The following FRMPD3 variants were observed in gnomAD, a reference collection of about 807,000 sequenced individuals.
FRMPD3 encodes FERM and PDZ domain containing 3, also known as FERM and PDZ domain-containing protein 3.
In FRMPD3, 42 loss-of-function variants were observed where a neutral mutation model predicts 97.9. That is an observed-to-expected ratio of 0.43 (90% CI 0.34 to 0.55). The LOEUF is 0.55. Ranked by LOEUF, FRMPD3 falls within the 20% of genes least tolerant of loss-of-function variation. The pLI is 0.03. For missense variants in FRMPD3, 1,303 were observed against 1,457.7 expected, an observed-to-expected ratio of 0.89 and a Z score of 1.73; for synonymous variants, 577 against 581.1, an observed-to-expected ratio of 0.99 and a Z score of 0.10.
intron 4 of FRMPD3, among the ~76,000 whole-genome samples, chrX:107,537,573 C>T: frequency 9.0e-6 from 1 of 111,666 alleles, no homozygotes; most frequent in South Asian, 3.8e-4. Context: ...ATCTTGAAGG[C>T]CTCCTAGTTG....
chrX:107,589,103 A>G (rs1923793471), intron 13 of FRMPD3, among the ~76,000 whole-genome samples: 1 of 110,964 alleles, frequency 9.0e-6, no homozygotes, highest in Non-Finnish European at 1.9e-5. Flanking sequence ...TCCTCCATCC[A>G]GTTCTGTGCC....
chrX:107,581,240 CT>C lies in FRMPD3; in HGVS notation c.1441+4782del, dbSNP rs1923369913. ...ACTCCTGCCTCAGCCTCCTGAGTAG[CT>C]GGGATTACAGGTGGCCGCCACCATG... On this transcript the variant is annotated intron_variant, in intron 13 of 14. Transcript: ENST00000683843. 1.8e-4 allele frequency among the ~76,000 whole-genome samples: 20 copies of C among 110,596 alleles called. 1 individual carries two copies. In the South Asian group the frequency reaches 7.8e-3, roughly 43 times the overall value.
At chrX:107,489,233 C>T (rs1022971450) in intron 1 of FRMPD3, among the ~76,000 whole-genome samples, 1 of 109,404 alleles carries the variant, frequency 9.1e-6, no homozygotes, top group African/African-American at 3.3e-5. Flanking sequence ...TCCAGTCTAT[C>T]GTTGTTGGAC....
At chrX:107,492,116 A>C (rs1921673759) in intron 1 of FRMPD3, among the ~76,000 whole-genome samples, 1 of 111,554 alleles carries the variant, frequency 9.0e-6, no homozygotes, top group Non-Finnish European at 1.9e-5. Context: ...CTCTGCTCCA[A>C]ATCTCTTCCT....
intron 1 of FRMPD3, among the ~76,000 whole-genome samples, chrX:107,480,567 C>T (rs1255900639): frequency 1.8e-5 from 2 of 109,872 alleles, no homozygotes; most frequent in Admixed American, 9.8e-5. Flanking sequence ...CAGTGGCTCA[C>T]TCCTATAATC....
intron 1 of FRMPD3, among the ~76,000 whole-genome samples, chrX:107,511,144 C>T (rs964146170): frequency 5.4e-5 from 6 of 112,123 alleles, no homozygotes; most frequent in African/African-American, 9.7e-5. Flanking sequence ...AGAGTCCCAA[C>T]GGAGCCAGAC....
chrX:107,475,604 C>G (rs1602753771), intron 1 of FRMPD3, among the ~76,000 whole-genome samples: 1 of 112,779 alleles, frequency 8.9e-6, no homozygotes, highest in East Asian at 2.8e-4. Flanking sequence ...TTGAAGTTCT[C>G]TCTAAAGTAT....
chrX:107,454,966 G>C (rs1931351658), intron 1 of FRMPD3, among the ~76,000 whole-genome samples: 2 of 111,631 alleles, frequency 1.8e-5, no homozygotes, highest in Non-Finnish European at 3.8e-5. Flanking sequence ...AAGTGATTTT[G>C]ATACACTTGA....
chrX:107,543,216 A>G (rs1454148950), intron 4 of FRMPD3, among the ~76,000 whole-genome samples: 1 of 111,082 alleles, frequency 9.0e-6, no homozygotes, highest in Non-Finnish European at 1.9e-5. Flanking sequence ...ACTCTGTTCA[A>G]TCAAATCCCT....
intron 13 of FRMPD3, among the ~76,000 whole-genome samples, chrX:107,587,564 G>A (rs1407524095): frequency 9.0e-6 from 1 of 111,633 alleles, no homozygotes; most frequent in Non-Finnish European, 1.9e-5. Flanking sequence ...TTATATTTTG[G>A]TGTGTTTTTA....
chrX:107,589,925 T>A (rs1923826383), intron 13 of FRMPD3, among the ~76,000 whole-genome samples: 1 of 112,082 alleles, frequency 8.9e-6, no homozygotes, highest in Admixed American at 9.5e-5. Context: ...CCAAGGCAGG[T>A]GGATCACTTG....
rs909484844 is a variant in FRMPD3 at position 107,604,481 on chromosome X, T to C, written c.*1108T>C. On this transcript the variant is annotated 3_prime_UTR_variant, in exon 15 of 15. Transcript: ENST00000683843. ...GCACCTTTCTCCCTCTCTGGAGCCATCTGGAAGGGAATTCACACTGTTTAA... is the reference window on the plus strand; with the variant it reads ...GCACCTTTCTCCCTCTCTGGAGCCACCTGGAAGGGAATTCACACTGTTTAA... The C allele has an allele frequency of 6.4e-5, 7 of 109,540 alleles. No individual in the cohort carries two copies. The highest frequency in any genetic ancestry group is 2.3e-4 in the African/African-American group (7 of 29,836). The allele number at this position is 109,540 out of a possible 1,213,427, so 9.0% of individuals were successfully genotyped here.
At chrX:107,533,425 A>G (rs1280720677) in intron 3 of FRMPD3, 80 bp from the exon 4 acceptor site, 1 of 871,965 alleles carries the variant, frequency 1.1e-6, no homozygotes, top group African/African-American at 2.0e-5. Flanking sequence ...AGCCAGGGGA[A>G]GATTCTGGTG....
intron 13 of FRMPD3, among the ~76,000 whole-genome samples, chrX:107,582,981 T>C (rs1361735040): frequency 8.9e-6 from 1 of 112,435 alleles, no homozygotes; most frequent in Non-Finnish European, 1.9e-5. Context: ...ATTGATTGAG[T>C]CTTCCAATCC....
intron 4 of FRMPD3, among the ~76,000 whole-genome samples, chrX:107,542,414 C>T (rs965009310): frequency 8.9e-6 from 1 of 111,846 alleles, no homozygotes; most frequent in Admixed American, 9.5e-5. Flanking sequence ...TGGAAATCAT[C>T]AGAAGCTTGA....
chrX:107,589,637 G>A (rs1446296252), intron 13 of FRMPD3, among the ~76,000 whole-genome samples: 3 of 111,660 alleles, frequency 2.7e-5, no homozygotes, highest in Non-Finnish European at 5.6e-5. Flanking sequence ...CTTGATTGCC[G>A]CTGTTTCTAG....
intron 1 of FRMPD3, among the ~76,000 whole-genome samples, chrX:107,485,943 A>G (rs758618702): frequency 1.8e-5 from 2 of 112,129 alleles, no homozygotes; most frequent in East Asian, 5.6e-4. Flanking sequence ...AAAACCAGGG[A>G]ATTGGCACCT....
intron 3 of FRMPD3, 41 bp downstream of exon 3, chrX:107,530,552 C>T: frequency 2.1e-6 from 2 of 947,085 alleles, no homozygotes; most frequent in Non-Finnish European, 3.0e-6. Flanking sequence ...AGTATCCCCA[C>T]CCCTGACTCA....
At chrX:107,585,614 C>T (rs763043069) in intron 13 of FRMPD3, among the ~76,000 whole-genome samples, 1 of 111,661 alleles carries the variant, frequency 9.0e-6, no homozygotes, top group Non-Finnish European at 1.9e-5. Context: ...AGATATGTTC[C>T]ATCAATACCT....
Sources: gnomAD v4.1 joint callset for allele counts (sites outside exome capture counted in the v4.1 genomes callset) on GRCh38, gnomAD v4.1.1 for gene constraint, MANE v1.5 for transcripts, NCBI Gene and HGNC (gene_info 2026-07-23, HGNC 2026-07-21) for gene names.